Variants in NRXN3 observed in about 807,000 individuals in gnomAD.
NRXN3 encodes the protein neurexin III.
A neutral mutation model predicts 137.6 loss-of-function variants in NRXN3; 32 were observed. That is an observed-to-expected ratio of 0.23 (90% CI 0.18 to 0.31). The LOEUF (loss-of-function observed/expected upper bound fraction) is 0.31. Ranked by LOEUF, NRXN3 falls within the 10% of genes least tolerant of loss-of-function variation. NRXN3 has a pLI of 1.00. For missense variants in NRXN3, 1,574 were observed against 2,062.5 expected (o/e 0.76, Z 4.59); for synonymous variants, 798 against 784.5 (o/e 1.02, Z -0.29).
At chr14:79,160,339 C>T (rs983608563) in intron 15 of NRXN3, among the ~76,000 whole-genome samples, 1 of 151,950 alleles carries the variant, frequency 6.6e-6, no homozygotes, top group Admixed American at 6.6e-5. Flanking sequence ...CTCCCACTCC[C>T]CAGCTTTTAA....
chr14:79,662,909 A>C (rs1603384447), intron 16 of NRXN3, among the ~76,000 whole-genome samples: 1 of 152,180 alleles, frequency 6.6e-6, no homozygotes, highest in East Asian at 1.9e-4. Flanking sequence ...CATCTCCAAC[A>C]CTGGAGATTA....
intron 5 of NRXN3, among the ~76,000 whole-genome samples, chr14:78,650,674 A>T (rs994242954): frequency 6.6e-6 from 1 of 152,154 alleles, no homozygotes; most frequent in Non-Finnish European, 1.5e-5. Flanking sequence ...AACAATAAAG[A>T]TAAAAGAAAA....
At chr14:79,442,883 A>G (rs2095990309) in intron 15 of NRXN3, among the ~76,000 whole-genome samples, 1 of 152,212 alleles carries the variant, frequency 6.6e-6, no homozygotes, top group African/African-American at 2.4e-5. Context: ...TGTCTGCCTT[A>G]AAATGTCTGA....
At chr14:78,556,608 A>C (rs1251425006) in intron 4 of NRXN3, among the ~76,000 whole-genome samples, 1 of 152,214 alleles carries the variant, frequency 6.6e-6, no homozygotes, top group Non-Finnish European at 1.5e-5. Context: ...CTAAAATAAC[A>C]TCATTTCCAT....
At chr14:78,614,849 AT>A (rs1370041158) in intron 4 of NRXN3, 4 of 414,928 alleles carry the variant, frequency 9.6e-6, no homozygotes, top group Non-Finnish European at 2.0e-5. Flanking sequence ...TTATGATGCA[AT>A]TTAGGGCACT....
chr14:78,893,390 T>G (rs374790924), intron 10 of NRXN3, among the ~76,000 whole-genome samples: 4 of 151,990 alleles, frequency 2.6e-5, no homozygotes, highest in Non-Finnish European at 2.9e-5. Context: ...CTAATCTCTC[T>G]CTGTATCTTT....
chr14:78,542,287 G>T (rs1017787613), intron 4 of NRXN3, among the ~76,000 whole-genome samples: 1 of 152,252 alleles, frequency 6.6e-6, no homozygotes, highest in Non-Finnish European at 1.5e-5. Context: ...AGCTGATGTG[G>T]AGTGTAGAGG....
rs115137030 is a variant in NRXN3, at chr14:79,655,008, C to A, written c.3445-8770C>A. 9.0e-3 allele frequency among the ~76,000 whole-genome samples: 1,366 copies of A among 152,280 alleles called. 19 individuals are homozygous for A. Among genetic ancestry groups the A allele is most frequent in the African/African-American group, 0.031 (1,307 of 41,568 alleles). On this transcript the variant is annotated intron_variant, in intron 16 of 20. Transcript: ENST00000335750. ...TGCTGATCTCTCATTTATAGAGGAG[C>A]AGCTGCTCATTTTTGGCCTAGAATA...
chr14:78,444,242 C>T (rs1052096187), intron 4 of NRXN3, among the ~76,000 whole-genome samples: 1 of 152,172 alleles, frequency 6.6e-6, no homozygotes, highest in African/African-American at 2.4e-5. Flanking sequence ...GATATTATCC[C>T]CATTTTACAG....
At chr14:79,316,794 T>C (rs910239603) in intron 15 of NRXN3, among the ~76,000 whole-genome samples, 3 of 151,642 alleles carry the variant, frequency 2.0e-5, no homozygotes, top group Admixed American at 2.0e-4. Context: ...TAGTCCATTG[T>C]TTAGAGGGAA....
intron 16 of NRXN3, among the ~76,000 whole-genome samples, chr14:79,638,890 A>T (rs542435128): frequency 1.0e-3 from 153 of 152,338 alleles, no homozygotes; most frequent in African/African-American, 3.5e-3. Context: ...TGTCAGAATG[A>T]TCTTAAGGAG....
At chr14:78,475,757 A>G (rs2095367273) in intron 4 of NRXN3, among the ~76,000 whole-genome samples, 1 of 152,234 alleles carries the variant, frequency 6.6e-6, no homozygotes, top group South Asian at 2.1e-4. Flanking sequence ...AGAAGAGGAC[A>G]TTTGATGGCA....
chr14:78,628,799 C>A (rs1303520702), intron 4 of NRXN3, among the ~76,000 whole-genome samples: 1 of 152,200 alleles, frequency 6.6e-6, no homozygotes, highest in Admixed American at 6.5e-5. Context: ...AGGCTAGCAG[C>A]CACAGAAGCC....
chr14:79,007,790 A>G (rs1423662801), intron 15 of NRXN3, among the ~76,000 whole-genome samples: 1 of 136,092 alleles, frequency 7.3e-6, no homozygotes, highest in African/African-American at 2.9e-5. Context: ...TGGATGACAG[A>G]GCTAGACTCC....
At chr14:78,624,944 C>T (rs192120295) in intron 4 of NRXN3, among the ~76,000 whole-genome samples, 97 of 152,214 alleles carry the variant, frequency 6.4e-4, no homozygotes, top group Non-Finnish European at 9.3e-4. Flanking sequence ...CAGGTTCAAG[C>T]GATTCTCTTG....
chr14:79,284,255 T>C (rs2081801343), intron 15 of NRXN3, among the ~76,000 whole-genome samples: 1 of 148,400 alleles, frequency 6.7e-6, no homozygotes, highest in South Asian at 2.2e-4. Context: ...CCTAGCACTT[T>C]GGGAGGCCGA....
At chr14:79,279,109 G>A (rs1410484597) in intron 15 of NRXN3, among the ~76,000 whole-genome samples, 3 of 152,194 alleles carry the variant, frequency 2.0e-5, no homozygotes, top group African/African-American at 7.2e-5. Context: ...GCGCAGTGTC[G>A]GTCTGTCGGT....
intron 16 of NRXN3, among the ~76,000 whole-genome samples, chr14:79,525,172 G>A (rs2097106929): frequency 6.6e-6 from 1 of 152,160 alleles, no homozygotes; most frequent in Non-Finnish European, 1.5e-5. Flanking sequence ...CTGAGAAACA[G>A]GAGGGCAGGG....
chr14:78,542,478 T>C (rs956221416), intron 4 of NRXN3, among the ~76,000 whole-genome samples: 1 of 152,224 alleles, frequency 6.6e-6, no homozygotes, highest in African/African-American at 2.4e-5. Context: ...GCTCTGTGGG[T>C]GTGTGACCCA....
Sources: allele counts gnomAD v4.1 joint callset (sites outside exome capture counted in the v4.1 genomes callset), GRCh38; gene constraint gnomAD v4.1.1; transcripts MANE v1.5; gene names NCBI Gene and HGNC (gene_info 2026-07-23, HGNC 2026-07-21).